ARRB1: variants seen among roughly 807,000 people sequenced by gnomAD.
ARRB1 encodes beta-arrestin-1.
ARRB1 carries 21 observed loss-of-function variants against 56.8 expected under a neutral mutation model. The ratio of observed to expected loss-of-function variants is 0.37; its 90% CI spans 0.26 to 0.53. ARRB1 has a LOEUF of 0.53. Ranked by LOEUF, ARRB1 falls within the 20% of genes least tolerant of loss-of-function variation. The pLI, the probability that ARRB1 is intolerant of heterozygous loss-of-function variation, is 0.88. For missense variants in ARRB1, 424 were observed against 553.7 expected (o/e 0.77, Z 2.35); for synonymous variants, 210 against 218.6 (o/e 0.96, Z 0.35).
intron 1 of ARRB1, among the ~76,000 whole-genome samples, chr11:75,333,628 C>CCA (rs773988234): frequency 6.6e-6 from 1 of 152,152 alleles, no homozygotes; most frequent in Non-Finnish European, 1.5e-5. Flanking sequence ...TTAAGCCTTA[C>CCA]CACAACCCTA....
At chr11:75,283,089 C>T (rs35013364) in intron 5 of ARRB1, among the ~76,000 whole-genome samples, 198 bp downstream of exon 5, 113 of 152,286 alleles carry the variant, frequency 7.4e-4, no homozygotes, top group African/African-American at 2.5e-3. Context: ...CCCAAAGGTA[C>T]AGGTGACAAA....
chr11:75,261,270 C>T lies in ARRB1; in HGVS notation c.*4893G>A, dbSNP rs1178943974. 6.6e-6 allele frequency: 1 copy of T among 152,134 alleles called. No homozygotes were observed. The highest frequency in any genetic ancestry group is 2.4e-5 in the African/African-American group (1 of 41,336). 9.4% of individuals were successfully genotyped at this position (152,134 alleles called of 1,614,324 possible). A position where few individuals can be genotyped will look rare whatever the true frequency, so the allele number is the denominator to read the frequency against. On this transcript the variant is annotated 3_prime_UTR_variant, in exon 16 of 16. Transcript: ENST00000420843. Reference sequence around the variant, plus strand: ...TGACCCAAGTTCCAACACAAAGACACTTTGTACTGGAACGCTGGAGCCATT... The same window carrying T: ...TGACCCAAGTTCCAACACAAAGACATTTTGTACTGGAACGCTGGAGCCATT...
intron 1 of ARRB1, among the ~76,000 whole-genome samples, chr11:75,345,391 T>C (rs1308091317): frequency 6.6e-6 from 1 of 152,076 alleles, no homozygotes; most frequent in African/African-American, 2.4e-5. Context: ...CAACCCCCTC[T>C]GTTCTCCAAC....
chr11:75,306,473 A>T, intron 1 of ARRB1: 3 of 722,264 alleles, frequency 4.2e-6, no homozygotes, highest in East Asian at 6.5e-5. Flanking sequence ...TGCACATCTC[A>T]TGGAGAGAGG....
chr11:75,334,191 G>A (rs945836658), intron 1 of ARRB1, among the ~76,000 whole-genome samples: 5 of 151,738 alleles, frequency 3.3e-5, no homozygotes, highest in Admixed American at 6.6e-5. Flanking sequence ...TTAGCTGGGC[G>A]TGGTGGCATG....
intron 1 of ARRB1, among the ~76,000 whole-genome samples, chr11:75,294,756 T>C (rs1035903054): frequency 6.6e-6 from 1 of 152,156 alleles, no homozygotes; most frequent in Non-Finnish European, 1.5e-5. Flanking sequence ...CAGATTTCTC[T>C]GGTCCTATGA....
chr11:75,283,583 C>A, intron 4 of ARRB1, 100 bp from the exon 5 acceptor site: 1 of 1,172,984 alleles, frequency 8.5e-7, no homozygotes, highest in African/African-American at 1.6e-5. Context: ...ACTGGAGGCC[C>A]CAAGCCTGTC....
chr11:75,331,599 C>T (rs1487310690), intron 1 of ARRB1, among the ~76,000 whole-genome samples: 2 of 151,972 alleles, frequency 1.3e-5, no homozygotes, highest in Non-Finnish European at 2.9e-5. Flanking sequence ...TGACCCCCAC[C>T]CCTGCCCGCC....
intron 1 of ARRB1, among the ~76,000 whole-genome samples, chr11:75,303,835 C>T (rs886540509): frequency 6.6e-6 from 1 of 152,214 alleles, no homozygotes. Flanking sequence ...AGGGCCTGCA[C>T]ATGGCTGCTC....
chr11:75,280,303 G>A (rs1427910039), intron 7 of ARRB1, among the ~76,000 whole-genome samples: 1 of 152,230 alleles, frequency 6.6e-6, no homozygotes, highest in Admixed American at 6.5e-5. Flanking sequence ...CAGGGCTGCA[G>A]ATGCAAATGC....
At chr11:75,303,032 C>T (rs1946942121) in intron 1 of ARRB1, among the ~76,000 whole-genome samples, 2 of 151,876 alleles carry the variant, frequency 1.3e-5, no homozygotes, top group East Asian at 1.9e-4. Flanking sequence ...GATGGAGTCT[C>T]GCTCTGTCAC....
chr11:75,269,605 T>G (rs1946028198), intron 13 of ARRB1, among the ~76,000 whole-genome samples: 1 of 152,226 alleles, frequency 6.6e-6, no homozygotes, highest in African/African-American at 2.4e-5. Context: ...TCTCTGTACT[T>G]GGCCCTGATG....
At chr11:75,349,363 T>C (rs960866266) in intron 1 of ARRB1, among the ~76,000 whole-genome samples, 1 of 152,154 alleles carries the variant, frequency 6.6e-6, no homozygotes, top group Non-Finnish European at 1.5e-5. Flanking sequence ...TCCGGAAAAG[T>C]AAAGGCAATT....
intron 1 of ARRB1, among the ~76,000 whole-genome samples, chr11:75,319,329 C>T (rs888165778): frequency 2.0e-5 from 3 of 152,176 alleles, no homozygotes; most frequent in African/African-American, 7.2e-5. Flanking sequence ...CACAGAGACC[C>T]GGGACCAGGT....
At chr11:75,344,426 C>T (rs1334393241) in intron 1 of ARRB1, among the ~76,000 whole-genome samples, 1 of 152,188 alleles carries the variant, frequency 6.6e-6, no homozygotes, top group Non-Finnish European at 1.5e-5. Context: ...CAAGGTCACA[C>T]AGCAATAAGT....
At chr11:75,269,451 C>T (rs1356628067) in intron 13 of ARRB1, among the ~76,000 whole-genome samples, 1 of 152,184 alleles carries the variant, frequency 6.6e-6, no homozygotes. Context: ...ACCCTAGCAC[C>T]CCTGCAATCT....
intron 3 of ARRB1, among the ~76,000 whole-genome samples, chr11:75,286,180 C>T (rs1946467163): frequency 6.6e-6 from 1 of 151,778 alleles, no homozygotes; most frequent in Non-Finnish European, 1.5e-5. Context: ...ACAAATCACT[C>T]CTGCCCTGGA....
chr11:75,290,464 C>T (rs920272820), intron 1 of ARRB1, among the ~76,000 whole-genome samples: 1 of 152,198 alleles, frequency 6.6e-6, no homozygotes, highest in African/African-American at 2.4e-5. Flanking sequence ...GCGATTCCCA[C>T]CTCGGGGACA....
Position 75,290,036 on chromosome 11 carries a change from C to T in ARRB1, c.24G>A (p.Val8=). The change falls in exon 2 of 16, where the codon GTG becomes GTA. Residue 8 remains valine, a synonymous_variant. Transcript: ENST00000420843. The stretch of plus-strand genomic sequence containing the variant: ...TTCCATTTGGACTGGCCTTCTTGAA[C>T]ACTCTGTGGAGAGAAAGAGAGGTCA... MGDKGTR[V]FKKASPNGKL... is the part of the protein sequence containing the mutation. 1 of 1,614,254 alleles carries T rather than the reference C, an allele frequency of 6.2e-7. No individual in the cohort carries two copies. Among genetic ancestry groups the T allele is most frequent in the South Asian group, 1.1e-5 (1 of 91,090 alleles).
Sources: gnomAD v4.1 joint callset for allele counts (sites outside exome capture counted in the v4.1 genomes callset) on GRCh38, gnomAD v4.1.1 for gene constraint, MANE v1.5 for transcripts, NCBI Gene and HGNC (gene_info 2026-07-23, HGNC 2026-07-21) for gene names.